The following UBE2R2 variants were observed in gnomAD, a reference collection of about 807,000 sequenced individuals.
UBE2R2 encodes ubiquitin-conjugating enzyme E2 R2.
In UBE2R2, 1 loss-of-function variant was observed where a neutral mutation model predicts 27.8. The ratio of observed to expected loss-of-function variants is 0.04; its 90% CI spans 0.01 to 0.17. The LOEUF (loss-of-function observed/expected upper bound fraction) is 0.17. UBE2R2 is among the 10% of genes least tolerant of loss of function. The probability of loss-of-function intolerance (pLI) is 1.00; values close to 1 mark genes in which losing one functional copy is unlikely to be tolerated. For synonymous variants in UBE2R2, 106 were observed against 113.3 expected (o/e 0.94, Z 0.41); for missense variants, 100 against 291.0 (o/e 0.34, Z 4.78).
intron 1 of UBE2R2, among the ~76,000 whole-genome samples, chr9:33,866,518 C>T (rs376396447): frequency 5.9e-5 from 9 of 152,280 alleles, no homozygotes; most frequent in African/African-American, 1.7e-4. Flanking sequence ...GGATTACAGG[C>T]GTGAGTCACC....
chr9:33,911,332 A>G (rs1218410156), intron 3 of UBE2R2, among the ~76,000 whole-genome samples: 1 of 141,384 alleles, frequency 7.1e-6, no homozygotes, highest in African/African-American at 2.6e-5. Context: ...GAATCGCTTG[A>G]ACCTGGGATG....
chr9:33,876,281 G>A (rs1369096025), intron 1 of UBE2R2, among the ~76,000 whole-genome samples: 2 of 152,136 alleles, frequency 1.3e-5, no homozygotes, highest in Non-Finnish European at 2.9e-5. Context: ...GCTTGAACCC[G>A]GGAGGCGGAG....
intron 2 of UBE2R2, among the ~76,000 whole-genome samples, chr9:33,890,493 G>C (rs889796381): frequency 6.6e-6 from 1 of 151,672 alleles, no homozygotes; most frequent in African/African-American, 2.4e-5. Context: ...GCTTGAACCC[G>C]GGAGGCAGAG....
intron 1 of UBE2R2, among the ~76,000 whole-genome samples, chr9:33,883,733 AAAT>A (rs1821786177): frequency 7.0e-6 from 1 of 142,366 alleles, no homozygotes; most frequent in South Asian, 2.1e-4. Context: ...AAAAAAAAAG[AAAT>A]AAAAAAGAAT....
intron 1 of UBE2R2, among the ~76,000 whole-genome samples, chr9:33,868,880 T>C (rs1323423328): frequency 1.3e-5 from 2 of 152,160 alleles, no homozygotes; most frequent in African/African-American, 4.8e-5. Context: ...CCAAGTACAA[T>C]TGTATTTAGG....
chr9:33,830,771 GAAA>G (rs370816652), intron 1 of UBE2R2, among the ~76,000 whole-genome samples: 1 of 136,202 alleles, frequency 7.3e-6, no homozygotes, highest in Admixed American at 7.2e-5. Context: ...CCTCTCAAAG[GAAA>G]AAAAAAAAAA....
At chr9:33,887,002 T>C (rs1431046096) in intron 2 of UBE2R2, 35 bp downstream of exon 2, 1 of 1,021,910 alleles carries the variant, frequency 9.8e-7, no homozygotes, top group African/African-American at 1.7e-5. Context: ...TCTCTGAAGA[T>C]TTTTTTTTTT....
chr9:33,815,845 G>A (rs145379424), upstream of UBE2R2, among the ~76,000 whole-genome samples: 4 of 152,102 alleles, frequency 2.6e-5, no homozygotes, highest in East Asian at 3.8e-4. Context: ...CAGTCACTAC[G>A]CTAAATGCTG....
intron 1 of UBE2R2, among the ~76,000 whole-genome samples, chr9:33,859,797 T>TGAGAGA (rs1250357067): frequency 2.6e-5 from 2 of 78,344 alleles, no homozygotes; most frequent in African/African-American, 9.9e-5. Flanking sequence ...TGTGTGTGTG[T>TGAGAGA]GTGAGAGAGA....
At chr9:33,860,946 G>T (rs1388733872) in intron 1 of UBE2R2, among the ~76,000 whole-genome samples, 57 of 52,840 alleles carry the variant, frequency 1.1e-3, no homozygotes, top group South Asian at 4.6e-3. Context: ...GTTTTTTTTT[G>T]TTTGTTTGTT....
chr9:33,834,502 C>T (rs565597407), intron 1 of UBE2R2, among the ~76,000 whole-genome samples: 7 of 152,060 alleles, frequency 4.6e-5, no homozygotes, highest in South Asian at 2.1e-4. Flanking sequence ...GTGAGCCACA[C>T]GCCCAGCCTT....
At chr9:33,846,523 G>A (rs1554672412) in intron 1 of UBE2R2, among the ~76,000 whole-genome samples, 1 of 151,296 alleles carries the variant, frequency 6.6e-6, no homozygotes, top group South Asian at 2.1e-4. Context: ...TCTCTTTTTT[G>A]GTTTTAATAT....
intron 1 of UBE2R2, among the ~76,000 whole-genome samples, chr9:33,838,484 T>G (rs1820663288): frequency 6.6e-6 from 1 of 152,166 alleles, no homozygotes; most frequent in African/African-American, 2.4e-5. Flanking sequence ...TCCTGAGATG[T>G]TTGCTAATGT....
intron 3 of UBE2R2, among the ~76,000 whole-genome samples, chr9:33,908,122 G>A (rs1026304914): frequency 5.3e-5 from 8 of 152,176 alleles, no homozygotes; most frequent in African/African-American, 1.2e-4. Flanking sequence ...ACCGCACCCC[G>A]CCTGAAATAG....
intron 1 of UBE2R2, among the ~76,000 whole-genome samples, chr9:33,877,492 A>G (rs1180461970): frequency 1.3e-5 from 2 of 152,202 alleles, no homozygotes; most frequent in Middle Eastern, 3.4e-3. Flanking sequence ...AAAAGATTAT[A>G]TAGTAGATAA....
chr9:33,877,716 T>C (rs894098328), intron 1 of UBE2R2, among the ~76,000 whole-genome samples: 4 of 152,056 alleles, frequency 2.6e-5, no homozygotes, highest in African/African-American at 9.7e-5. Flanking sequence ...CTGGTAGTAT[T>C]ATAATCTAAG....
intron 1 of UBE2R2, among the ~76,000 whole-genome samples, chr9:33,853,106 G>A (rs192031993): frequency 4.0e-4 from 61 of 152,126 alleles, no homozygotes; most frequent in African/African-American, 1.1e-3. Flanking sequence ...AAACCATGTG[G>A]ATGATTTGTG....
rs1825847089 is a variant in UBE2R2 at position 33,817,948 on chromosome 9, C to T, written c.177+14C>T. ...GGCTACTTCAAGGTACCCTCACCCTCCTCCCGGACCCTGCTTCCGCGGCCG... is the reference window on the plus strand; with the variant it reads ...GGCTACTTCAAGGTACCCTCACCCTTCTCCCGGACCCTGCTTCCGCGGCCG... On this transcript the variant is annotated intron_variant, in intron 1 of 4. Coordinates refer to ENST00000263228, the MANE Select transcript of UBE2R2 (RefSeq NM_017811.4). The T allele has an allele frequency of 2.5e-6, 4 of 1,600,132 alleles. No homozygotes were observed. Among genetic ancestry groups the T allele is most frequent in the Non-Finnish European group, 3.4e-6 (4 of 1,173,290 alleles).
intron 3 of UBE2R2, among the ~76,000 whole-genome samples, chr9:33,905,981 A>C (rs1822345076): frequency 6.6e-6 from 1 of 152,156 alleles, no homozygotes; most frequent in Non-Finnish European, 1.5e-5. Context: ...GGGTCTATAA[A>C]ACTCAATATC....
Sources: gnomAD v4.1 joint callset for allele counts (sites outside exome capture counted in the v4.1 genomes callset) on GRCh38, gnomAD v4.1.1 for gene constraint, MANE v1.5 for transcripts, NCBI Gene and HGNC (gene_info 2026-07-23, HGNC 2026-07-21) for gene names.